The following ABCC4 variants were observed in gnomAD, a reference collection of about 807,000 sequenced individuals.
ABCC4 encodes the protein ATP binding cassette subfamily C member 4 (PEL blood group), also known as ATP-binding cassette sub-family C member 4.
In ABCC4, 102 loss-of-function variants were observed where a neutral mutation model predicts 168.5. The observed-to-expected ratio is 0.61, with a 90% CI of 0.52 to 0.71. The LOEUF (loss-of-function observed/expected upper bound fraction) is 0.71. Ranked by LOEUF, ABCC4 falls within the 30% of genes least tolerant of loss-of-function variation. The pLI is 0.00. For missense variants in ABCC4, 1,402 were observed against 1,605.8 expected, an observed-to-expected ratio of 0.87 and a Z score of 2.17; for synonymous variants, 617 against 590.7, an observed-to-expected ratio of 1.04 and a Z score of -0.65.
intron 19 of ABCC4, among the ~76,000 whole-genome samples, chr13:95,131,044 A>C (rs1278236360): frequency 6.6e-6 from 1 of 152,158 alleles, no homozygotes; most frequent in Non-Finnish European, 1.5e-5. Flanking sequence ...AAATGTGCTG[A>C]GATTATAATA....
At chr13:95,147,988 T>C (rs538114747) in intron 19 of ABCC4, among the ~76,000 whole-genome samples, 8 of 152,288 alleles carry the variant, frequency 5.3e-5, no homozygotes, top group Non-Finnish European at 2.9e-5. Flanking sequence ...AAATACTCTA[T>C]TGATTTTCTT....
chr13:95,128,659 G>A (rs951670330), intron 19 of ABCC4, among the ~76,000 whole-genome samples: 1 of 152,162 alleles, frequency 6.6e-6, no homozygotes, highest in Non-Finnish European at 1.5e-5. Context: ...CCGAAGGAGA[G>A]GCAAGCTGTG....
Position 95,133,591 on chromosome 13 carries a change from C to T in ABCC4, c.2456-17590G>A, listed in dbSNP as rs9590188. ...CCTGCTGTGGTAGCCCCTCTGTCAC[C>T]AACTGGTGAGAGAGATGAGACAGTA... is the stretch of plus-strand genomic sequence containing the variant. On this transcript the variant is annotated intron_variant, in intron 19 of 30. Coordinates refer to ENST00000645237, the MANE Select transcript of ABCC4 (RefSeq NM_005845.5). Among the ~76,000 whole-genome samples, 1,200 of 152,160 alleles carry T rather than the reference C, an allele frequency of 7.9e-3. 11 individuals are homozygous for T. The highest frequency in any genetic ancestry group is 0.027 in the African/African-American group (1,119 of 41,506).
intron 14 of ABCC4, among the ~76,000 whole-genome samples, chr13:95,169,775 C>G (rs1451242040): frequency 1.3e-5 from 2 of 152,228 alleles, no homozygotes; most frequent in Non-Finnish European, 2.9e-5. Flanking sequence ...GTGACACTAA[C>G]TGCTGGCTAT....
At chr13:95,118,723 G>C (rs1222578530) in intron 19 of ABCC4, among the ~76,000 whole-genome samples, 2 of 152,182 alleles carry the variant, frequency 1.3e-5, no homozygotes, top group African/African-American at 4.8e-5. Context: ...AGCATCTCCA[G>C]GGATGTCGAG....
At chr13:95,052,057 T>C (rs1193358731) in intron 27 of ABCC4, among the ~76,000 whole-genome samples, 1 of 148,004 alleles carries the variant, frequency 6.8e-6, no homozygotes, top group Non-Finnish European at 1.5e-5. Flanking sequence ...CTCGGCTCAC[T>C]GCAACCTTGG....
At chr13:95,223,522 G>C (rs1395563621) in intron 4 of ABCC4, among the ~76,000 whole-genome samples, 3 of 152,078 alleles carry the variant, frequency 2.0e-5, no homozygotes, top group Non-Finnish European at 4.4e-5. Context: ...TTTGTTTTTT[G>C]AGAAAGAGTC....
intron 25 of ABCC4, among the ~76,000 whole-genome samples, chr13:95,064,591 G>A (rs1262174949): frequency 6.6e-6 from 1 of 151,846 alleles, no homozygotes; most frequent in African/African-American, 2.4e-5. Flanking sequence ...CAAATGCTGT[G>A]TTTTTGAGAA....
At chr13:95,207,243 G>C (rs148931968) in intron 7 of ABCC4, among the ~76,000 whole-genome samples, 1,617 of 152,166 alleles carry the variant, frequency 0.011, 17 homozygotes, top group Non-Finnish European at 0.015. Flanking sequence ...GGCCAGGCTG[G>C]TCTCAAACTC....
chr13:95,194,479 T>C (rs1303724973), intron 9 of ABCC4, among the ~76,000 whole-genome samples: 1 of 152,218 alleles, frequency 6.6e-6, no homozygotes, highest in Non-Finnish European at 1.5e-5. Context: ...TCCGTAATAA[T>C]CTACAATGTA....
Position 95,172,635 on chromosome 13 carries a change from G to C in ABCC4, c.1728-2007C>G, listed in dbSNP as rs139127771. Among the ~76,000 whole-genome samples, 101 of 151,858 alleles carry C rather than the reference G, an allele frequency of 6.7e-4. No individual in the cohort carries two copies. In the East Asian group the frequency reaches 0.014, roughly 22 times the overall value. On this transcript the variant is annotated intron_variant, in intron 13 of 30. Coordinates refer to ENST00000645237, the MANE Select transcript of ABCC4 (RefSeq NM_005845.5). ...ATACAATGTTGGAGGTGACACAAGT[G>C]AGAAAGATATAGTCAGTTGGTGCAG...
chr13:95,170,674 G>T, intron 13 of ABCC4, 46 bp from the exon 14 acceptor site: 2 of 1,151,250 alleles, frequency 1.7e-6, no homozygotes, highest in Non-Finnish European at 1.3e-6. Context: ...TGAATGGGGT[G>T]CTCCACATTG....
chr13:95,143,098 T>C (rs2036373799), intron 19 of ABCC4, among the ~76,000 whole-genome samples: 1 of 152,162 alleles, frequency 6.6e-6, no homozygotes, highest in African/African-American at 2.4e-5. Context: ...TGTGTGACTC[T>C]AGGCTCACAA....
rs769571633 is a variant in ABCC4 at position 95,062,737 on chromosome 13, G to A, written c.3333C>T (p.His1111=). 3.8e-5 allele frequency: 61 copies of A among 1,613,538 alleles called. No homozygotes were observed. The East Asian group carries it at 1.1e-3, about 28-fold the overall frequency. ...TGATTGACATCTTCTTCCTTAAATC[G>A]TGAAGTCCAATTTCAGTTGTCAAGA... ...DKILTTEIGL[H]DLRKKMSIIP... Residue 1111 remains histidine (H), a synonymous_variant, in exon 26 of 31, where the codon CAC becomes CAT. Coordinates refer to ENST00000645237, the MANE Select transcript of ABCC4 (RefSeq NM_005845.5).
intron 9 of ABCC4, among the ~76,000 whole-genome samples, chr13:95,190,203 C>T (rs187370659): frequency 1.4e-3 from 215 of 152,104 alleles, no homozygotes; most frequent in Admixed American, 3.2e-3. Flanking sequence ...ATCAGCCAGG[C>T]ATGGTGTGTG....
chr13:95,035,058 C>T (rs1380155459), intron 29 of ABCC4, among the ~76,000 whole-genome samples: 2 of 152,252 alleles, frequency 1.3e-5, no homozygotes, highest in African/African-American at 4.8e-5. Flanking sequence ...GCTTTTAACT[C>T]TCAGACTCTC....
intron 13 of ABCC4, among the ~76,000 whole-genome samples, chr13:95,172,773 A>G (rs2037523084): frequency 6.8e-6 from 1 of 147,318 alleles, no homozygotes; most frequent in Non-Finnish European, 1.5e-5. Flanking sequence ...TCTACAAAAA[A>G]ACACGAAACT....
At chr13:95,038,929 G>A (rs936745651) in intron 29 of ABCC4, among the ~76,000 whole-genome samples, 1 of 152,110 alleles carries the variant, frequency 6.6e-6, no homozygotes, top group Non-Finnish European at 1.5e-5. Context: ...GCCTCAAGTT[G>A]ATGGCTATAG....
intron 30 of ABCC4, among the ~76,000 whole-genome samples, chr13:95,030,565 G>A (rs553844036): frequency 1.1e-3 from 168 of 152,310 alleles, no homozygotes; most frequent in African/African-American, 3.9e-3. Context: ...GTTAAAATGA[G>A]GCCTTTAGGG....
Sources: allele counts gnomAD v4.1 joint callset (sites outside exome capture counted in the v4.1 genomes callset), GRCh38; gene constraint gnomAD v4.1.1; transcripts MANE v1.5; gene names NCBI Gene and HGNC (gene_info 2026-07-23, HGNC 2026-07-21).